Variants in IAPP observed in about 807,000 individuals in gnomAD.
IAPP encodes islet amyloid polypeptide.
IAPP carries 4 observed loss-of-function variants against 2.9 expected under a neutral mutation model. The ratio of observed to expected loss-of-function variants is 1.39; its 90% CI spans 0.69 to 3.19. IAPP has a LOEUF of 3.19. IAPP is among the 30% of genes most tolerant of loss of function. IAPP has a pLI of 0.01. For synonymous variants in IAPP, 40 were observed against 42.1 expected, an observed-to-expected ratio of 0.95 and a Z score of 0.19; for missense variants, 114 against 105.3, an observed-to-expected ratio of 1.08 and a Z score of -0.36.
intron 1 of IAPP, among the ~76,000 whole-genome samples, chr12:21,356,630 A>T (rs1250870341): frequency 2.0e-5 from 3 of 152,158 alleles, no homozygotes; most frequent in Non-Finnish European, 4.4e-5. Context: ...AAAGGGAACA[A>T]TTCACAGTAA....
chr12:21,370,166 C>CTTAA (rs1307962425), upstream of IAPP, among the ~76,000 whole-genome samples: 1 of 152,002 alleles, frequency 6.6e-6, no homozygotes, highest in African/African-American at 2.4e-5. Flanking sequence ...GCTCTGTAAC[C>CTTAA]TTAAGCAAGT....
At chr12:21,355,523 T>G (rs371459243) in intron 1 of IAPP, among the ~76,000 whole-genome samples, 1 of 152,266 alleles carries the variant, frequency 6.6e-6, no homozygotes, top group East Asian at 1.9e-4. Context: ...AGACCTAAAC[T>G]TTGAGTCTGT....
chr12:21,366,451 G>C (rs1163053688), intron 1 of IAPP, among the ~76,000 whole-genome samples: 1 of 151,958 alleles, frequency 6.6e-6, no homozygotes, highest in Non-Finnish European at 1.5e-5. Flanking sequence ...TGTAAATGAC[G>C]AGTTGACGGG....
At position 21,378,230 on chromosome 12, in the gene IAPP, T is replaced by C; in HGVS notation, c.81-7T>C. ...TCTAACTTTTCACATTTGTTCCATGTTACCAGTCATCAGGTGGAAAAGCGG... is the reference window on the plus strand; with the variant it reads ...TCTAACTTTTCACATTTGTTCCATGCTACCAGTCATCAGGTGGAAAAGCGG... On this transcript the variant is annotated splice_region_variant and splice_polypyrimidine_tract_variant and intron_variant, in intron 2 of 2. Transcript: ENST00000240652. 1 of 1,613,910 alleles carries C rather than the reference T, an allele frequency of 6.2e-7. No homozygotes were observed. Among genetic ancestry groups the C allele is most frequent in the Non-Finnish European group, 8.5e-7 (1 of 1,179,758 alleles).
chr12:21,373,377 T>C lies in IAPP; in HGVS notation c.26T>C (p.Phe9Ser). 1 of 1,613,576 alleles carries C rather than the reference T, an allele frequency of 6.2e-7. No homozygotes were observed. Among genetic ancestry groups the C allele is most frequent in the South Asian group, 1.1e-5 (1 of 91,062 alleles). The change falls in exon 2 of 3, where the codon TTT becomes TCT. Residue 9 changes from phenylalanine (F) to serine (S), a missense_variant. Phe to Ser is a radical substitution (Grantham distance 155). Coordinates refer to ENST00000240652, the MANE Select transcript of IAPP (RefSeq NM_000415.3). ...ATGGGCATCCTGAAGCTGCAAGTAT[T>C]TCTCATTGTGCTCTCTGTTGCATTG... is the stretch of plus-strand genomic sequence containing the variant. Reference protein sequence around the residue: MGILKLQVFLIVLSVALNH... With the variant: MGILKLQVSLIVLSVALNH...
chr12:21,361,410 T>G (rs1938868102), intron 1 of IAPP, among the ~76,000 whole-genome samples: 1 of 152,144 alleles, frequency 6.6e-6, no homozygotes, highest in African/African-American at 2.4e-5. Context: ...AGACGAAATG[T>G]AGATAAAACC....
chr12:21,357,343 T>C (rs1938449679), intron 1 of IAPP, among the ~76,000 whole-genome samples: 1 of 152,026 alleles, frequency 6.6e-6, no homozygotes, highest in Non-Finnish European at 1.5e-5. Context: ...AAAAATCAGG[T>C]GATGCTGCTT....
chr12:21,365,233 A>T (rs915432358), intron 1 of IAPP, among the ~76,000 whole-genome samples: 1 of 152,204 alleles, frequency 6.6e-6, no homozygotes, highest in Admixed American at 6.5e-5. Context: ...AGCCCTCAGA[A>T]ATAATACCAC....
intron 2 of IAPP, among the ~76,000 whole-genome samples, chr12:21,377,131 T>G (rs931419651): frequency 6.6e-6 from 1 of 152,182 alleles, no homozygotes; most frequent in African/African-American, 2.4e-5. Context: ...TATGCACTTC[T>G]TCCAGGTGGC....
intron 1 of IAPP, among the ~76,000 whole-genome samples, chr12:21,361,044 T>C (rs905562076): frequency 2.0e-5 from 3 of 152,170 alleles, no homozygotes; most frequent in African/African-American, 7.2e-5. Context: ...GTTGTGGTTC[T>C]CCCAGCACGG....
At chr12:21,363,565 TAGAG>T (rs1321222697) in intron 1 of IAPP, among the ~76,000 whole-genome samples, 2 of 152,078 alleles carry the variant, frequency 1.3e-5, no homozygotes, top group East Asian at 3.9e-4. Context: ...CTGAAGTAGA[TAGAG>T]ACACAAAAAA....
intron 1 of IAPP, among the ~76,000 whole-genome samples, chr12:21,366,485 G>A (rs559181583): frequency 1.3e-4 from 20 of 152,148 alleles, no homozygotes; most frequent in South Asian, 6.2e-4. Context: ...CATGGCGCAC[G>A]TATTCCTATG....
chr12:21,373,193 A>G (rs1366849315), intron 1 of IAPP, 144 bp from the exon 2 acceptor site: 12 of 650,270 alleles, frequency 1.8e-5, no homozygotes, highest in Non-Finnish European at 3.3e-5. Flanking sequence ...GACAATATTA[A>G]GGGACTGTAT....
rs142898452 is a variant in IAPP at position 21,357,246 on chromosome 12, GTATAA to G, written c.-16+2239_-16+2243del. 6.8e-3 allele frequency among the ~76,000 whole-genome samples: 1,029 copies of G among 152,260 alleles called. 9 individuals carry two copies. Among genetic ancestry groups the G allele is most frequent in the African/African-American group, 0.023 (976 of 41,560 alleles). ...CATACTGAGATACTTTGAGACCCTA[GTATAA>G]TATAACTGGTGGACGTATAAAAAGG... On this transcript the variant is annotated intron_variant, in intron 1 of 2. Coordinates refer to the IAPP transcript ENST00000539393.
intron 1 of IAPP, among the ~76,000 whole-genome samples, chr12:21,365,043 C>T (rs1445506980): frequency 6.6e-6 from 1 of 152,184 alleles, no homozygotes; most frequent in African/African-American, 2.4e-5. Flanking sequence ...TTGGAAAAAA[C>T]TACTTTAAAG....
At chr12:21,368,467 TA>T (rs200818592), upstream of IAPP, among the ~76,000 whole-genome samples, 3,600 of 137,054 alleles carry the variant, frequency 0.026, 158 homozygotes, top group African/African-American at 0.091. Flanking sequence ...ACAAACCAGT[TA>T]AATTTTTTTT....
chr12:21,367,328 A>C (rs1223331224), intron 1 of IAPP, among the ~76,000 whole-genome samples: 1 of 152,162 alleles, frequency 6.6e-6, no homozygotes, highest in Admixed American at 6.5e-5. Flanking sequence ...GAAAACTAGA[A>C]CAGTATTTTT....
chr12:21,373,263 A>G, intron 1 of IAPP, 74 bp from the exon 2 acceptor site: 1 of 928,960 alleles, frequency 1.1e-6, no homozygotes, highest in Non-Finnish European at 1.8e-6. Context: ...TTAAAAACTA[A>G]GCTCTAATTT....
At chr12:21,372,008 A>G (rs937130764), upstream of IAPP, among the ~76,000 whole-genome samples, 4 of 146,622 alleles carry the variant, frequency 2.7e-5, no homozygotes, top group African/African-American at 1.1e-4. Flanking sequence ...CATCTCAAAA[A>G]AAAAGAAAAA....
Sources: allele counts gnomAD v4.1 joint callset (sites outside exome capture counted in the v4.1 genomes callset), GRCh38; gene constraint gnomAD v4.1.1; transcripts MANE v1.5; gene names NCBI Gene and HGNC (gene_info 2026-07-23, HGNC 2026-07-21).